Variants in OR10J1 observed in about 807,000 individuals in gnomAD.
OR10J1 encodes olfactory receptor family 10 subfamily J member 1, also known as olfactory receptor 10J1.
For synonymous variants in OR10J1, 202 were observed against 143.8 expected (o/e 1.40, Z -2.89); for missense variants, 474 against 376.6 (o/e 1.26, Z -2.14).
chr1:159,405,486 C>T, the OR10J1 span: 1 of 243,486 alleles, frequency 4.1e-6, no homozygotes. Flanking sequence ...CATCTTTGAG[C>T]TCCTTGTTCC....
chr1:159,425,194 T>A, the OR10J1 span, among the ~76,000 whole-genome samples: 1 of 152,156 alleles, frequency 6.6e-6, no homozygotes, highest in Non-Finnish European at 1.5e-5. Flanking sequence ...TTACATCCCA[T>A]GTTCTTGTTC....
chr1:159,429,846 C>G, the OR10J1 span, among the ~76,000 whole-genome samples: 7 of 152,146 alleles, frequency 4.6e-5, no homozygotes, highest in Non-Finnish European at 7.4e-5. Flanking sequence ...CTGAAAGGTC[C>G]TGGTAGGTTC....
rs1655886395 is a variant in OR10J1, at chr1:159,440,140, G to C, written c.349G>C (p.Ala117Pro). The change falls in exon 1 of 1, where the codon GCA (alanine) becomes CCA (proline). Residue 117 changes from alanine (A) to proline (P), a missense_variant. Ala to Pro is a conservative substitution (Grantham distance 27). Transcript: ENST00000423932. ...CATCACTAACTGCTTCCTGCTCACAGCAATGGGATATGACCGCTATGTGGC... is the reference window on the plus strand; with the variant it reads ...CATCACTAACTGCTTCCTGCTCACACCAATGGGATATGACCGCTATGTGGC... ...FGITNCFLLT[A>P]MGYDRYVAIC... 6.2e-7 allele frequency: 1 copy of C among 1,614,008 alleles called. No homozygotes were observed. Among genetic ancestry groups the C allele is most frequent in the Non-Finnish European group, 8.5e-7 (1 of 1,180,022 alleles).
At chr1:159,420,995 A>G in the OR10J1 span, among the ~76,000 whole-genome samples, 1 of 152,092 alleles carries the variant, frequency 6.6e-6, no homozygotes, top group Non-Finnish European at 1.5e-5. Context: ...TAGGTTTCTA[A>G]ACCTTTTGTT....
chr1:159,406,774 A>G, the OR10J1 span, among the ~76,000 whole-genome samples: 1 of 152,112 alleles, frequency 6.6e-6, no homozygotes, highest in Admixed American at 6.6e-5. Flanking sequence ...GGAGGCAGAG[A>G]TAGTGAATGT....
the OR10J1 span, among the ~76,000 whole-genome samples, chr1:159,423,211 C>T: frequency 6.6e-6 from 1 of 152,198 alleles, no homozygotes; most frequent in Non-Finnish European, 1.5e-5. Flanking sequence ...CAGGTGATGA[C>T]AATGCTTCTA....
At chr1:159,413,770 C>T in the OR10J1 span, among the ~76,000 whole-genome samples, 86 of 151,264 alleles carry the variant, frequency 5.7e-4, no homozygotes, top group African/African-American at 2.0e-3. Flanking sequence ...AGCACACCAG[C>T]ATGGCACATG....
Position 159,440,173 on chromosome 1 carries a change from A to G in OR10J1, c.382A>G (p.Asn128Asp). The G allele has an allele frequency of 1.2e-6, 2 of 1,614,134 alleles. No homozygotes were observed. Among genetic ancestry groups the G allele is most frequent in the Non-Finnish European group, 1.7e-6 (2 of 1,180,008 alleles). The part of the protein sequence containing the change: ...MGYDRYVAIC[N>D]PLRYMVIMNK... The stretch of plus-strand genomic sequence containing the variant: ...ATATGACCGCTATGTGGCCATCTGC[A>G]ACCCCCTGAGATACATGGTTATTAT... The change falls in exon 1 of 1, where the codon AAC becomes GAC. Residue 128 changes from asparagine to aspartate, a missense_variant. By Grantham distance (23) the Asn-to-Asp change is conservative. Coordinates refer to ENST00000423932, the MANE Select transcript of OR10J1 (RefSeq NM_012351.3).
At chr1:159,424,318 T>C in the OR10J1 span, among the ~76,000 whole-genome samples, 1 of 151,280 alleles carries the variant, frequency 6.6e-6, no homozygotes, top group Non-Finnish European at 1.5e-5. Flanking sequence ...AATATTTATA[T>C]ATGTGTTAAT....
At chr1:159,435,425 C>T (rs918167206), upstream of OR10J1, among the ~76,000 whole-genome samples, 2 of 152,172 alleles carry the variant, frequency 1.3e-5, no homozygotes, top group African/African-American at 4.8e-5. Context: ...CATTTGAAAG[C>T]ACCAATTACT....
the OR10J1 span, chr1:159,432,721 A>G: frequency 1.5e-5 from 6 of 403,532 alleles, no homozygotes; most frequent in Non-Finnish European, 2.2e-5. Context: ...TGTGATGCTA[A>G]TCTCATCTCC....
the OR10J1 span, among the ~76,000 whole-genome samples, chr1:159,410,830 G>A: frequency 6.7e-6 from 1 of 149,552 alleles, no homozygotes; most frequent in Non-Finnish European, 1.5e-5. Flanking sequence ...TCTCTTGTGG[G>A]CATTTAGTGC....
chr1:159,426,510 C>G, the OR10J1 span, among the ~76,000 whole-genome samples: 1 of 151,830 alleles, frequency 6.6e-6, no homozygotes, highest in African/African-American at 2.4e-5. Context: ...GCCCTAACAA[C>G]TTAGTTTTAA....
chr1:159,409,897 T>C, the OR10J1 span, among the ~76,000 whole-genome samples: 1 of 152,254 alleles, frequency 6.6e-6, no homozygotes, highest in African/African-American at 2.4e-5. Flanking sequence ...ATTGAGAGTT[T>C]TTAGCATGAA....
chr1:159,428,248 C>T, the OR10J1 span, among the ~76,000 whole-genome samples: 1 of 152,038 alleles, frequency 6.6e-6, no homozygotes, highest in African/African-American at 2.4e-5. Flanking sequence ...TCAAAATGTG[C>T]AGATGATGTA....
the OR10J1 span, chr1:159,432,751 G>C: frequency 5.0e-6 from 2 of 401,582 alleles, no homozygotes; most frequent in East Asian, 7.1e-5. Flanking sequence ...TGTGATATCC[G>C]GCCCATAATG....
chr1:159,398,207 CT>C, the OR10J1 span, among the ~76,000 whole-genome samples: 2 of 152,138 alleles, frequency 1.3e-5, no homozygotes, highest in Non-Finnish European at 2.9e-5. Context: ...AGGGTGACCC[CT>C]AAAGCAGAAA....
the OR10J1 span, chr1:159,406,041 A>G: frequency 2.3e-6 from 1 of 425,726 alleles, no homozygotes; most frequent in Non-Finnish European, 4.6e-6. Flanking sequence ...GCAGTTGTTG[A>G]TGCCAAAAGT....
chr1:159,426,666 C>A, the OR10J1 span, among the ~76,000 whole-genome samples: 1 of 151,626 alleles, frequency 6.6e-6, no homozygotes, highest in Admixed American at 6.6e-5. Context: ...AATTAACAGG[C>A]CTAATCTAAA....
Sources: allele counts gnomAD v4.1 joint callset (sites outside exome capture counted in the v4.1 genomes callset), GRCh38; gene constraint gnomAD v4.1.1; transcripts MANE v1.5; gene names NCBI Gene and HGNC (gene_info 2026-07-23, HGNC 2026-07-21).